ABCG8: variants seen among roughly 807,000 people sequenced by gnomAD.
The protein encoded by ABCG8 is ATP binding cassette subfamily G member 8, also known as ATP-binding cassette sub-family G member 8.
In ABCG8, 81 loss-of-function variants were observed where a neutral mutation model predicts 71.3. That is an observed-to-expected ratio of 1.14 (90% CI 0.95 to 1.37). The LOEUF (loss-of-function observed/expected upper bound fraction) is 1.37. Ranked by LOEUF, ABCG8 falls within the 40% of genes most tolerant of loss-of-function variation. The pLI is 0.00. For synonymous variants in ABCG8, 451 were observed against 354.7 expected, an observed-to-expected ratio of 1.27 and a Z score of -3.05; for missense variants, 1,119 against 866.2, an observed-to-expected ratio of 1.29 and a Z score of -3.66.
In ABCG8 at chr2:43,879,646, C is replaced by T. The variant is rs1400400684; in HGVS notation, c.*1733C>T. ...TCCTCCATAGCAAGGGGATCTAGAC[C>T]AGAATCAAGCCTTGGATCTAGTTCT... On this transcript the variant is annotated 3_prime_UTR_variant, in exon 13 of 13. Transcript: ENST00000272286. 1 of 152,196 alleles carries T rather than the reference C, an allele frequency of 6.6e-6. No individual in the cohort carries two copies. The highest frequency in any genetic ancestry group is 1.5e-5 in the Non-Finnish European group (1 of 68,032). The allele number at this position is 152,196 out of a possible 1,614,324, so 9.4% of individuals were successfully genotyped here.
At chr2:43,850,516 T>C (rs1668879993) in intron 3 of ABCG8, among the ~76,000 whole-genome samples, 1 of 152,224 alleles carries the variant, frequency 6.6e-6, no homozygotes, top group African/African-American at 2.4e-5. Flanking sequence ...GGTAAACTAG[T>C]GTCACGGGGT....
chr2:43,858,500 A>G lies in ABCG8; in HGVS notation c.964+5632A>G, dbSNP rs192769043. Among the ~76,000 whole-genome samples, 53 of 151,526 alleles carry G rather than the reference A, an allele frequency of 3.5e-4. 1 individual carries two copies. In the East Asian group the frequency reaches 6.4e-3, roughly 18 times the overall value. On this transcript the variant is annotated intron_variant, in intron 6 of 12. Transcript: ENST00000272286. The stretch of plus-strand genomic sequence containing the variant: ...TGGATAGAATTGTCATTCTCTGAAT[A>G]GTACTCTCACTATCTATCTCGATAG...
At chr2:43,851,094 G>A (rs888483734) in intron 3 of ABCG8, among the ~76,000 whole-genome samples, 30 of 152,014 alleles carry the variant, frequency 2.0e-4, no homozygotes, top group African/African-American at 6.3e-4. Context: ...TTTAAAAGAC[G>A]CTCTATAAAT....
intron 1 of ABCG8, among the ~76,000 whole-genome samples, chr2:43,843,387 T>C (rs1448540343): frequency 6.6e-6 from 1 of 152,046 alleles, no homozygotes; most frequent in Non-Finnish European, 1.5e-5. Flanking sequence ...TAAGAAAAAT[T>C]GAATGCAGTA....
At chr2:43,875,559 C>T (rs187873006) in intron 11 of ABCG8, 146 bp downstream of exon 11, 282 of 1,016,100 alleles carry the variant, frequency 2.8e-4, no homozygotes, top group African/African-American at 7.9e-4. Flanking sequence ...GCCCACTGCC[C>T]TGGAGGCCAA....
Position 43,852,825 on chromosome 2 carries a change from C to A in ABCG8, c.921C>A (p.Ile307=). The part of the protein sequence containing the change: ...AQHMVQYFTA[I]GYPCPRYSNP... Reference sequence around the variant, plus strand: ...ACATGGTCCAGTATTTCACAGCCATCGGCTACCCCTGTCCTCGCTACAGCA... The same window carrying A: ...ACATGGTCCAGTATTTCACAGCCATAGGCTACCCCTGTCCTCGCTACAGCA... The change falls in exon 6 of 13, where the codon ATC becomes ATA. Residue 307 remains isoleucine (I), a synonymous_variant. Transcript: ENST00000272286. The A allele has an allele frequency of 6.2e-7, 1 of 1,614,178 alleles. No homozygotes were observed. The highest frequency in any genetic ancestry group is 8.5e-7 in the Non-Finnish European group (1 of 1,180,038).
chr2:43,864,571 G>A (rs1669453410), intron 6 of ABCG8, among the ~76,000 whole-genome samples: 1 of 151,652 alleles, frequency 6.6e-6, no homozygotes, highest in South Asian at 2.1e-4. Flanking sequence ...TAACTATCTG[G>A]ATAGAATTCT....
At chr2:43,866,130 C>G (rs900289409) in intron 6 of ABCG8, among the ~76,000 whole-genome samples, 16 of 152,030 alleles carry the variant, frequency 1.1e-4, no homozygotes, top group Non-Finnish European at 4.4e-5. Flanking sequence ...GCTGGGAAAA[C>G]TGGCTAGCCA....
At chr2:43,872,200 T>C (rs756902565) in intron 7 of ABCG8, 23 bp from the exon 8 acceptor site, 3 of 1,613,886 alleles carry the variant, frequency 1.9e-6, no homozygotes, top group South Asian at 2.2e-5. Context: ...CCCCATGACC[T>C]GGCCACATCT....
rs41281459 is a variant in ABCG8, at chr2:43,851,612, G to A, written c.351G>A (p.Val117=). The change falls in exon 4 of 13, where the codon GTG becomes GTA. Residue 117 remains valine, a synonymous_variant. Coordinates refer to ENST00000272286, the MANE Select transcript of ABCG8 (RefSeq NM_022437.3). ...SGCGRASLLD[V]ITGRGHGGKI... The stretch of plus-strand genomic sequence containing the variant: ...GTGGGAGAGCCTCCTTGCTAGATGT[G>A]ATCACTGGCCGAGGTCACGGCGGCA... 126 of 1,614,090 alleles carry A rather than the reference G, an allele frequency of 7.8e-5. No homozygotes were observed. The highest frequency in any genetic ancestry group is 1.7e-4 in the Admixed American group (10 of 60,006).
intron 6 of ABCG8, among the ~76,000 whole-genome samples, chr2:43,870,925 A>C (rs1669743194): frequency 6.6e-6 from 1 of 150,404 alleles, no homozygotes; most frequent in Non-Finnish European, 1.5e-5. Flanking sequence ...TCTGGATAGA[A>C]CTCTTAATAA....
At chr2:43,852,558 G>A in intron 5 of ABCG8, 41 bp from the exon 6 acceptor site, 5 of 1,614,040 alleles carry the variant, frequency 3.1e-6, no homozygotes, top group Non-Finnish European at 4.2e-6. Flanking sequence ...GGTCTGGCCA[G>A]AGCCCCACCG....
At chr2:43,853,338 C>T (rs566420026) in intron 6 of ABCG8, among the ~76,000 whole-genome samples, 2 of 152,320 alleles carry the variant, frequency 1.3e-5, no homozygotes, top group South Asian at 2.1e-4. Flanking sequence ...GAAAATTGCT[C>T]TGGCAGCCCC....
chr2:43,875,850 G>A (rs965813550), intron 11 of ABCG8, among the ~76,000 whole-genome samples: 4 of 151,884 alleles, frequency 2.6e-5, no homozygotes, highest in African/African-American at 9.7e-5. Flanking sequence ...GCAAACCCAT[G>A]CCCCCCTTTG....
intron 6 of ABCG8, among the ~76,000 whole-genome samples, chr2:43,858,965 T>G (rs775942939): frequency 2.6e-5 from 4 of 151,468 alleles, no homozygotes; most frequent in Admixed American, 1.3e-4. Context: ...AGTCTCTGGA[T>G]AGAAGTCTCA....
intron 2 of ABCG8, among the ~76,000 whole-genome samples, chr2:43,845,098 GTATATA>G (rs5830773): frequency 4.2e-4 from 55 of 130,136 alleles, no homozygotes; most frequent in African/African-American, 1.4e-3. Context: ...GTGTGTGTGT[GTATATA>G]TATATATATA....
chr2:43,853,771 A>G (rs1669005817), intron 6 of ABCG8, among the ~76,000 whole-genome samples: 1 of 152,208 alleles, frequency 6.6e-6, no homozygotes, highest in Admixed American at 6.5e-5. Flanking sequence ...CACCTGTTCC[A>G]GCACAGTTGT....
rs1172635413 is a variant in ABCG8, at chr2:43,875,334, C to G, written c.1677C>G (p.Ala559=). 6.2e-7 allele frequency: 1 copy of G among 1,614,186 alleles called. No individual in the cohort carries two copies. Among genetic ancestry groups the G allele is most frequent in the Non-Finnish European group, 8.5e-7 (1 of 1,180,044 alleles). ...AAALLPTFHM[A]SFFSNALYNS... Reference sequence around the variant, plus strand: ...CCCTGCTCCCCACCTTCCACATGGCCTCCTTCTTCAGCAATGCCCTCTACA... The same window carrying G: ...CCCTGCTCCCCACCTTCCACATGGCGTCCTTCTTCAGCAATGCCCTCTACA... The change falls in exon 11 of 13, where the codon GCC becomes GCG. Residue 559 remains alanine (A), a synonymous_variant. Coordinates refer to ENST00000272286, the MANE Select transcript of ABCG8 (RefSeq NM_022437.3).
In ABCG8 at chr2:43,872,260, C is replaced by T. The variant is rs371617725; in HGVS notation, c.1165C>T (p.Pro389Ser). 1 of 1,613,976 alleles carries T rather than the reference C, an allele frequency of 6.2e-7. No individual in the cohort carries two copies. Residue 389 changes from proline to serine, a missense_variant, in exon 8 of 13, where the codon CCT (proline) becomes TCT (serine). Transcript: ENST00000272286. ...TPLDTNCLPSPTKMPGAVQQF... is the reference protein window; with the variant it reads ...TPLDTNCLPSSTKMPGAVQQF... ...ACTAGACACCAACTGCCTCCCGAGT[C>T]CTACGAAGATGCCTGGGGCGGTGCA... is the stretch of plus-strand genomic sequence containing the variant.
Sources: allele counts gnomAD v4.1 joint callset (sites outside exome capture counted in the v4.1 genomes callset), GRCh38; gene constraint gnomAD v4.1.1; transcripts MANE v1.5; gene names NCBI Gene and HGNC (gene_info 2026-07-23, HGNC 2026-07-21).